KCNB2: variants seen among roughly 807,000 people sequenced by gnomAD.
The protein encoded by KCNB2 is potassium voltage-gated channel subfamily B member 2, also known as delayed rectifier potassium channel protein.
A neutral mutation model predicts 61.5 loss-of-function variants in KCNB2; 15 were observed. The observed-to-expected ratio is 0.24, with a 90% confidence interval of 0.16 to 0.38. KCNB2 has a LOEUF of 0.38. Among genes scored for constraint, KCNB2 ranks in the 10% least tolerant of loss-of-function variants. KCNB2 has a pLI of 1.00. For synonymous variants in KCNB2, 457 were observed against 446.0 expected (o/e 1.02, Z -0.31); for missense variants, 828 against 1,125.2 (o/e 0.74, Z 3.78).
At chr8:72,921,603 A>C (rs1806520922) in intron 2 of KCNB2, among the ~76,000 whole-genome samples, 1 of 152,184 alleles carries the variant, frequency 6.6e-6, no homozygotes, top group African/African-American at 2.4e-5. Flanking sequence ...CCTAACATCA[A>C]AGAAATTTCT....
chr8:72,695,659 C>G (rs1004570579), intron 2 of KCNB2, among the ~76,000 whole-genome samples: 1 of 152,104 alleles, frequency 6.6e-6, no homozygotes, highest in African/African-American at 2.4e-5. Flanking sequence ...GAGCCATCAG[C>G]AAATTAAACA....
chr8:72,781,783 A>G (rs141763842), intron 2 of KCNB2, among the ~76,000 whole-genome samples: 1 of 152,178 alleles, frequency 6.6e-6, no homozygotes, highest in African/African-American at 2.4e-5. Flanking sequence ...ATGCAGCCAT[A>G]AAAAGGAATG....
At chr8:72,906,493 A>G (rs1184835267) in intron 2 of KCNB2, among the ~76,000 whole-genome samples, 3 of 152,238 alleles carry the variant, frequency 2.0e-5, no homozygotes, top group Non-Finnish European at 4.4e-5. Context: ...TGGTTTAAAA[A>G]TAGTTTAAAA....
At chr8:72,798,800 A>G (rs1336539112) in intron 2 of KCNB2, among the ~76,000 whole-genome samples, 1 of 152,172 alleles carries the variant, frequency 6.6e-6, no homozygotes, top group African/African-American at 2.4e-5. Flanking sequence ...GATTAATACG[A>G]AAAGCCCGAT....
At chr8:72,546,871 G>A (rs141131620) in intron 1 of KCNB2, among the ~76,000 whole-genome samples, 1 of 152,302 alleles carries the variant, frequency 6.6e-6, no homozygotes, top group Non-Finnish European at 1.5e-5. Flanking sequence ...GATTTTTAAT[G>A]GAGATTAAAC....
chr8:72,687,324 G>C (rs1314513879), intron 2 of KCNB2, among the ~76,000 whole-genome samples: 1 of 152,154 alleles, frequency 6.6e-6, no homozygotes, highest in Non-Finnish European at 1.5e-5. Context: ...TCACCCAATG[G>C]AAATTTTAGA....
intron 2 of KCNB2, among the ~76,000 whole-genome samples, chr8:72,932,959 G>C (rs991225685): frequency 2.0e-5 from 3 of 152,112 alleles, no homozygotes; most frequent in African/African-American, 7.2e-5. Context: ...AGAACTCCAA[G>C]CTTCACAAGA....
intron 2 of KCNB2, among the ~76,000 whole-genome samples, chr8:72,798,973 G>A (rs1000479741): frequency 1.3e-5 from 2 of 152,062 alleles, no homozygotes; most frequent in Non-Finnish European, 2.9e-5. Context: ...GACCACATTT[G>A]CCAACAGAGC....
intron 2 of KCNB2, among the ~76,000 whole-genome samples, chr8:72,610,613 A>G (rs1246424691): frequency 6.6e-6 from 1 of 152,210 alleles, no homozygotes; most frequent in African/African-American, 2.4e-5. Flanking sequence ...GCACTGTCCT[A>G]AATACTTAAA....
chr8:72,901,418 A>G (rs1391703786), intron 2 of KCNB2, among the ~76,000 whole-genome samples: 1 of 152,212 alleles, frequency 6.6e-6, no homozygotes, highest in Non-Finnish European at 1.5e-5. Flanking sequence ...TTCCTTTTGA[A>G]AATATAAAAA....
At chr8:72,831,484 T>G (rs949900241) in intron 2 of KCNB2, among the ~76,000 whole-genome samples, 21 of 152,168 alleles carry the variant, frequency 1.4e-4, no homozygotes, top group African/African-American at 5.1e-4. Flanking sequence ...TTAAGCCACT[T>G]TAGGGAAAGT....
At chr8:72,906,438 G>GA (rs1177651011) in intron 2 of KCNB2, among the ~76,000 whole-genome samples, 1 of 151,928 alleles carries the variant, frequency 6.6e-6, no homozygotes, top group Non-Finnish European at 1.5e-5. Context: ...TTATAATTTT[G>GA]AAAAAAGTAT....
chr8:72,842,225 A>G (rs891263581), intron 2 of KCNB2, among the ~76,000 whole-genome samples: 5 of 152,068 alleles, frequency 3.3e-5, no homozygotes, highest in African/African-American at 7.2e-5. Flanking sequence ...TGTTTATGTG[A>G]TGGATTACAT....
intron 2 of KCNB2, among the ~76,000 whole-genome samples, chr8:72,605,337 G>A (rs1372266053): frequency 6.6e-6 from 1 of 152,180 alleles, no homozygotes; most frequent in African/African-American, 2.4e-5. Flanking sequence ...CTCCACACTA[G>A]ACATCATTAG....
intron 2 of KCNB2, among the ~76,000 whole-genome samples, chr8:72,693,430 A>G (rs1009022953): frequency 4.6e-5 from 7 of 152,114 alleles, no homozygotes; most frequent in Non-Finnish European, 2.9e-5. Context: ...CTCTTGTACA[A>G]GGTTCTCAGG....
intron 2 of KCNB2, among the ~76,000 whole-genome samples, chr8:72,722,138 C>T (rs1807560757): frequency 6.6e-6 from 1 of 152,102 alleles, no homozygotes; most frequent in Admixed American, 6.6e-5. Context: ...CAAATCTGAC[C>T]ACACTTTCTC....
chr8:72,542,994 A>T (rs985435825), intron 1 of KCNB2, among the ~76,000 whole-genome samples: 1 of 152,190 alleles, frequency 6.6e-6, no homozygotes, highest in Non-Finnish European at 1.5e-5. Flanking sequence ...ATGGCAATTC[A>T]ACGGAGTAGT....
intron 2 of KCNB2, among the ~76,000 whole-genome samples, chr8:72,683,360 G>A (rs1318269247): frequency 6.6e-6 from 1 of 152,144 alleles, no homozygotes; most frequent in Non-Finnish European, 1.5e-5. Flanking sequence ...ACTGTGCCAG[G>A]CCAGTATAGA....
intron 2 of KCNB2, among the ~76,000 whole-genome samples, chr8:72,854,341 G>A (rs1177860020): frequency 6.6e-6 from 1 of 152,130 alleles, no homozygotes; most frequent in African/African-American, 2.4e-5. Context: ...TTAAGTGTTA[G>A]GAAAAGACTA....
Sources: allele counts gnomAD v4.1 joint callset (sites outside exome capture counted in the v4.1 genomes callset), GRCh38; gene constraint gnomAD v4.1.1; transcripts MANE v1.5; gene names NCBI Gene and HGNC (gene_info 2026-07-23, HGNC 2026-07-21).